Variants in ARID1B observed in about 807,000 individuals in gnomAD.
ARID1B encodes AT-rich interaction domain 1B.
In ARID1B, 30 loss-of-function variants were observed where a neutral mutation model predicts 212.3. The ratio of observed to expected loss-of-function variants is 0.14; its 90% confidence interval spans 0.11 to 0.19. The LOEUF (loss-of-function observed/expected upper bound fraction) is 0.19. ARID1B is among the 10% of genes least tolerant of loss of function. The pLI is 1.00. For missense variants in ARID1B, 2,891 were observed against 3,204.0 expected (o/e 0.90, Z 2.36); for synonymous variants, 1,402 against 1,301.7 (o/e 1.08, Z -1.66).
rs1298751981 is a variant in ARID1B, at chr6:156,881,060, T to A, written c.1987-20316T>A. Reference sequence around the variant, plus strand: ...AAGGGTATTTAAAATGCACTGACAGTGACAGCGTGTTGCCTGGGGCCTGCA... The same window carrying A: ...AAGGGTATTTAAAATGCACTGACAGAGACAGCGTGTTGCCTGGGGCCTGCA... On this transcript the variant is annotated intron_variant, in intron 2 of 19. Coordinates refer to ENST00000636930, the MANE Select transcript of ARID1B (RefSeq NM_001374828.1). Among the ~76,000 whole-genome samples, 5 of 152,206 alleles carry A rather than the reference T, an allele frequency of 3.3e-5. No homozygotes were observed. In the East Asian group the frequency reaches 9.6e-4, roughly 29 times the overall value.
At chr6:157,082,744 T>G (rs1020891475) in intron 4 of ARID1B, among the ~76,000 whole-genome samples, 2 of 152,200 alleles carry the variant, frequency 1.3e-5, no homozygotes, top group African/African-American at 4.8e-5. Context: ...GAACTTTTTC[T>G]AGGGGTGCTG....
intron 11 of ARID1B, among the ~76,000 whole-genome samples, chr6:157,177,803 C>A (rs1792202625): frequency 1.3e-5 from 2 of 152,156 alleles, no homozygotes; most frequent in African/African-American, 4.8e-5. Flanking sequence ...ATTTTTGCAA[C>A]ACTGAGGCGG....
At chr6:156,810,924 G>A (rs576001597) in intron 1 of ARID1B, among the ~76,000 whole-genome samples, 1 of 152,184 alleles carries the variant, frequency 6.6e-6, no homozygotes, top group Non-Finnish European at 1.5e-5. Flanking sequence ...TCAGTTTCTG[G>A]AGGTTAGGAG....
intron 3 of ARID1B, among the ~76,000 whole-genome samples, chr6:156,908,928 T>C (rs1402928408): frequency 6.6e-6 from 1 of 152,036 alleles, no homozygotes; most frequent in Non-Finnish European, 1.5e-5. Context: ...CAGAATGACA[T>C]AATGAGCACT....
chr6:156,887,217 A>G (rs1787577638), intron 2 of ARID1B, among the ~76,000 whole-genome samples: 1 of 152,188 alleles, frequency 6.6e-6, no homozygotes, highest in African/African-American at 2.4e-5. Context: ...GTCAGTGTGC[A>G]GCCTCCTCTC....
At chr6:156,800,360 G>T (rs781215411) in intron 1 of ARID1B, among the ~76,000 whole-genome samples, 1 of 152,126 alleles carries the variant, frequency 6.6e-6, no homozygotes, top group Non-Finnish European at 1.5e-5. Context: ...AGGCCGAGGC[G>T]GGTGGATCAT....
intron 4 of ARID1B, among the ~76,000 whole-genome samples, chr6:156,996,174 G>A (rs1194832727): frequency 6.6e-6 from 1 of 152,176 alleles, no homozygotes; most frequent in African/African-American, 2.4e-5. Flanking sequence ...GGGTGGTAAG[G>A]AGTAATCTAA....
At chr6:156,994,250 C>T (rs951454546) in intron 4 of ARID1B, among the ~76,000 whole-genome samples, 15 of 152,120 alleles carry the variant, frequency 9.9e-5, no homozygotes, top group Non-Finnish European at 1.6e-4. Flanking sequence ...CTCTGTTTAC[C>T]GTGTATGTGG....
In ARID1B at chr6:157,052,399, C is replaced by G. The variant is rs1425971089; in HGVS notation, c.2248-32263C>G. 3.3e-5 allele frequency among the ~76,000 whole-genome samples: 5 copies of G among 152,210 alleles called. No homozygotes were observed. In the East Asian group the frequency reaches 9.6e-4, roughly 29 times the overall value. On this transcript the variant is annotated intron_variant, in intron 4 of 19. Transcript: ENST00000636930. Reference sequence around the variant, plus strand: ...GTCAACTGTAGACAGATGCCACTCTCTGCTACTCAAATAAGTTTTGTTGGG... The same window carrying G: ...GTCAACTGTAGACAGATGCCACTCTGTGCTACTCAAATAAGTTTTGTTGGG...
intron 3 of ARID1B, among the ~76,000 whole-genome samples, chr6:156,912,366 C>CATGT (rs1201359064): frequency 6.6e-6 from 1 of 151,702 alleles, no homozygotes; most frequent in Non-Finnish European, 1.5e-5. Flanking sequence ...CACGCTCCTG[C>CATGT]ATGTACTCTT....
intron 1 of ARID1B, among the ~76,000 whole-genome samples, chr6:156,828,007 C>T (rs972945480): frequency 4.6e-5 from 7 of 150,846 alleles, no homozygotes; most frequent in African/African-American, 9.7e-5. Flanking sequence ...CTGATCTGCC[C>T]GTCTTGGCCT....
chr6:156,965,212 G>C (rs1794660819), intron 4 of ARID1B, among the ~76,000 whole-genome samples: 1 of 152,100 alleles, frequency 6.6e-6, no homozygotes, highest in Non-Finnish European at 1.5e-5. Context: ...AGCTTCAAAG[G>C]AATAACATAA....
At chr6:157,004,596 G>T (rs1336408221) in intron 4 of ARID1B, among the ~76,000 whole-genome samples, 1 of 152,056 alleles carries the variant, frequency 6.6e-6, no homozygotes, top group East Asian at 1.9e-4. Context: ...GGTAAAGTTG[G>T]TCTCTTTTAT....
At chr6:157,119,997 A>C (rs189747684) in intron 6 of ARID1B, among the ~76,000 whole-genome samples, 1 of 152,368 alleles carries the variant, frequency 6.6e-6, no homozygotes, top group Non-Finnish European at 1.5e-5. Context: ...AATTCAAATA[A>C]GATTTTGTAT....
At chr6:157,107,953 T>C (rs2128510495) in intron 5 of ARID1B, 2 of 152,356 alleles carry the variant, frequency 1.3e-5, no homozygotes, top group Middle Eastern at 3.4e-3. Flanking sequence ...ATGAGTCTTC[T>C]GTTATCACTT....
intron 16 of ARID1B, among the ~76,000 whole-genome samples, chr6:157,198,206 ATTC>A (rs777612405): frequency 6.6e-6 from 1 of 152,186 alleles, no homozygotes; most frequent in Non-Finnish European, 1.5e-5. Context: ...CATCCCTGTT[ATTC>A]TTTTCTGGAG....
At chr6:156,994,910 A>T (rs1029904886) in intron 4 of ARID1B, among the ~76,000 whole-genome samples, 3 of 152,198 alleles carry the variant, frequency 2.0e-5, no homozygotes, top group African/African-American at 7.2e-5. Context: ...CCAGAACATG[A>T]CGGTTGGGTT....
intron 2 of ARID1B, among the ~76,000 whole-genome samples, chr6:156,878,001 C>T (rs1786700863): frequency 1.3e-5 from 2 of 152,110 alleles, no homozygotes; most frequent in African/African-American, 4.8e-5. Flanking sequence ...CAGGCGTGAA[C>T]CACCGCGTCT....
chr6:157,192,611 C>T (rs1318827785), intron 15 of ARID1B, among the ~76,000 whole-genome samples: 1 of 152,184 alleles, frequency 6.6e-6, no homozygotes, highest in Non-Finnish European at 1.5e-5. Flanking sequence ...ATACTGAATG[C>T]CTGTCGCTTT....
Sources: allele counts gnomAD v4.1 joint callset (sites outside exome capture counted in the v4.1 genomes callset), GRCh38; gene constraint gnomAD v4.1.1; transcripts MANE v1.5; gene names NCBI Gene and HGNC (gene_info 2026-07-23, HGNC 2026-07-21).